DEPDC4: variants seen among roughly 807,000 people sequenced by gnomAD.
The protein encoded by DEPDC4 is DEP domain containing 4, also known as DEP domain-containing protein 4.
A neutral mutation model predicts 52.0 loss-of-function variants in DEPDC4; 52 were observed. The observed-to-expected ratio is 1.00, with a 90% CI of 0.80 to 1.26. The LOEUF (loss-of-function observed/expected upper bound fraction) is 1.26, where lower values mean the gene tolerates loss of function less well. DEPDC4 is among the 50% of genes most tolerant of loss of function. The pLI is 0.00. For synonymous variants in DEPDC4, 201 were observed against 196.8 expected, an observed-to-expected ratio of 1.02 and a Z score of -0.18; for missense variants, 530 against 546.9, an observed-to-expected ratio of 0.97 and a Z score of 0.31.
At chr12:100,249,096 G>A in intron 7 of DEPDC4, 118 bp from the exon 8 acceptor site, 1 of 245,680 alleles carries the variant, frequency 4.1e-6, no homozygotes, top group Non-Finnish European at 6.5e-6. Context: ...GAGGATTGTA[G>A]ATGAGTGGAA....
At chr12:100,276,492 C>T in the DEPDC4 span, among the ~76,000 whole-genome samples, 1 of 151,986 alleles carries the variant, frequency 6.6e-6, no homozygotes, top group Admixed American at 6.6e-5. Flanking sequence ...ACCACTATGC[C>T]CTGCACATTT....
chr12:100,245,784 A>G (rs565028987), intron 8 of DEPDC4, among the ~76,000 whole-genome samples: 1 of 152,224 alleles, frequency 6.6e-6, no homozygotes, highest in Admixed American at 6.5e-5. Flanking sequence ...CTCTTTATCT[A>G]AAATACAAAT....
At chr12:100,244,166 T>C (rs1035540664) in intron 8 of DEPDC4, among the ~76,000 whole-genome samples, 4 of 142,154 alleles carry the variant, frequency 2.8e-5, no homozygotes, top group Admixed American at 1.5e-4. Context: ...AATTTTATTT[T>C]ATGGTTTTTT....
downstream of DEPDC4, chr12:100,237,971 A>G: frequency 1.8e-6 from 1 of 569,134 alleles, no homozygotes. Context: ...TCCCTACCTG[A>G]TTCACACTGA....
In DEPDC4 at chr12:100,266,967, G is replaced by A; in HGVS notation, c.110C>T (p.Pro37Leu). 2 of 1,613,974 alleles carry A rather than the reference G, an allele frequency of 1.2e-6. No individual in the cohort carries two copies. Among genetic ancestry groups the A allele is most frequent in the Non-Finnish European group, 1.7e-6 (2 of 1,179,928 alleles). The change falls in exon 1 of 10, where the codon CCA becomes CTA. Residue 37 changes from proline (P) to leucine (L), a missense_variant. By Grantham distance (98) the Pro-to-Leu change is moderately conservative (BLOSUM62 -3). Coordinates refer to ENST00000550587, the MANE Select transcript of DEPDC4 (RefSeq NM_001364818.2). The part of the protein sequence containing the change: ...NELPGPGLNG[P>L]SSRNRRDGFC... ...GCCATCTCTACGGTTCCTGGAACTT[G>A]GCCCGTTCAGCCCTGGGCCCGGAAG...
chr12:100,267,039 G>A lies in DEPDC4; in HGVS notation c.38C>T (p.Ala13Val), dbSNP rs542496804. The change falls in exon 1 of 10, where the codon GCG becomes GTG. Residue 13 changes from alanine to valine, a missense_variant. Ala to Val is a moderately conservative substitution (Grantham distance 64). Transcript: ENST00000550587. ...ACGGAACCTCGGAGTCAAAAGAACC[G>A]CCATAAGCTCGCGCGCTGGCTCCTC... ...PGEEPARELM[A>V]VLLTPRFRRL... is the part of the protein sequence containing the mutation. 3 of 1,613,862 alleles carry A rather than the reference G, an allele frequency of 1.9e-6. No individual in the cohort carries two copies. Among genetic ancestry groups the A allele is most frequent in the Admixed American group, 1.7e-5 (1 of 59,968 alleles).
rs2096154550 is a variant in DEPDC4 at position 100,240,587 on chromosome 12, G to A, written c.*1305C>T. On this transcript the variant is annotated 3_prime_UTR_variant, in exon 10 of 10. Transcript: ENST00000550587. ...AAAACAAAGAAAGAGAGAGAAGCAG[G>A]CAAGAAAAAAGTGAAAGAGCTGGAA... is the stretch of plus-strand genomic sequence containing the variant. Among the ~76,000 whole-genome samples the A allele has an allele frequency of 6.6e-6, 1 of 151,924 alleles. No individual in the cohort carries two copies. Among genetic ancestry groups the A allele is most frequent in the Non-Finnish European group, 1.5e-5 (1 of 68,016 alleles).
At chr12:100,277,254 G>T in the DEPDC4 span, among the ~76,000 whole-genome samples, 1 of 152,180 alleles carries the variant, frequency 6.6e-6, no homozygotes, top group Non-Finnish European at 1.5e-5. Flanking sequence ...CATTTGTAGA[G>T]TGTGTGTTTT....
At chr12:100,243,004 A>G (rs938982604) in intron 8 of DEPDC4, among the ~76,000 whole-genome samples, 1 of 152,188 alleles carries the variant, frequency 6.6e-6, no homozygotes, top group Non-Finnish European at 1.5e-5. Flanking sequence ...GTGGTACCAA[A>G]TCCTATATGT....
At chr12:100,249,929 T>A (rs1486270961) in intron 7 of DEPDC4, among the ~76,000 whole-genome samples, 1 of 152,124 alleles carries the variant, frequency 6.6e-6, no homozygotes, top group African/African-American at 2.4e-5. Flanking sequence ...TCTCAGGTAG[T>A]GATAAGTGCC....
chr12:100,271,630 C>G (rs201026090), upstream of DEPDC4, among the ~76,000 whole-genome samples: 1 of 152,162 alleles, frequency 6.6e-6, no homozygotes, highest in East Asian at 1.9e-4. Context: ...TTTTGAAAGT[C>G]TAGTCTCTGC....
At position 100,240,874 on chromosome 12, in the gene DEPDC4, GA is replaced by G. The variant is rs2096155931; in HGVS notation, c.*1017del. Among the ~76,000 whole-genome samples the G allele has an allele frequency of 6.6e-6, 1 of 152,158 alleles. No homozygotes were observed. The highest frequency in any genetic ancestry group is 2.4e-5 in the African/African-American group (1 of 41,422). On this transcript the variant is annotated 3_prime_UTR_variant, in exon 10 of 10. Transcript: ENST00000550587. Reference sequence around the variant, plus strand: ...TCAAGACTAGCCTGGCCAACATGGCGAAACACTGTCTCTACTAAAACTACAA... The same window carrying G: ...TCAAGACTAGCCTGGCCAACATGGCGAACACTGTCTCTACTAAAACTACAA...
At chr12:100,256,895 C>A (rs1450904873) in intron 3 of DEPDC4, among the ~76,000 whole-genome samples, 1 of 152,030 alleles carries the variant, frequency 6.6e-6, no homozygotes. Flanking sequence ...CCCGCCTCGG[C>A]CTCCCAAAGT....
chr12:100,238,327 T>G (rs770323989), downstream of DEPDC4, among the ~76,000 whole-genome samples: 42 of 151,524 alleles, frequency 2.8e-4, no homozygotes, highest in Non-Finnish European at 5.6e-4. Flanking sequence ...CCCGGCTAAT[T>G]TTTTGTATTT....
intron 7 of DEPDC4, among the ~76,000 whole-genome samples, chr12:100,251,427 G>A (rs2096207332): frequency 6.6e-6 from 1 of 152,126 alleles, no homozygotes; most frequent in African/African-American, 2.4e-5. Flanking sequence ...CTACTCCTAA[G>A]TGTTTTGTTT....
chr12:100,276,996 C>A, the DEPDC4 span, among the ~76,000 whole-genome samples: 1 of 151,804 alleles, frequency 6.6e-6, no homozygotes, highest in Non-Finnish European at 1.5e-5. Flanking sequence ...TCTTTTTTAG[C>A]CCTTGGATTA....
chr12:100,266,611 G>A (rs1164047417), intron 1 of DEPDC4, among the ~76,000 whole-genome samples: 1 of 152,200 alleles, frequency 6.6e-6, no homozygotes, highest in African/African-American at 2.4e-5. Flanking sequence ...ACATGTATTA[G>A]AAACGCAGAT....
intron 9 of DEPDC4, among the ~76,000 whole-genome samples, chr12:100,235,055 G>A (rs903370948): frequency 3.6e-5 from 1 of 27,996 alleles, no homozygotes; most frequent in African/African-American, 1.9e-4. Context: ...TAGTATGGAT[G>A]TATGTGTGTG....
At chr12:100,258,292 C>CA (rs1366562931) in intron 3 of DEPDC4, among the ~76,000 whole-genome samples, 4 of 151,462 alleles carry the variant, frequency 2.6e-5, no homozygotes, top group East Asian at 1.9e-4. Context: ...GTAGGTAAAA[C>CA]AAAAAAATCC....
Sources: gnomAD v4.1 joint callset for allele counts (sites outside exome capture counted in the v4.1 genomes callset) on GRCh38, gnomAD v4.1.1 for gene constraint, MANE v1.5 for transcripts, NCBI Gene and HGNC (gene_info 2026-07-23, HGNC 2026-07-21) for gene names.